Variants in TBX15 observed in about 807,000 individuals in gnomAD.
TBX15 encodes T-box transcription factor 15.
A neutral mutation model predicts 53.9 loss-of-function variants in TBX15; 18 were observed. The observed-to-expected ratio is 0.33, with a 90% CI of 0.23 to 0.49. TBX15 has a LOEUF of 0.49. Among genes scored for constraint, TBX15 ranks in the 20% least tolerant of loss-of-function variants. The pLI is 0.98. For missense variants in TBX15, 692 were observed against 749.5 expected (o/e 0.92, Z 0.90); for synonymous variants, 295 against 278.0 (o/e 1.06, Z -0.61).
intron 1 of TBX15, among the ~76,000 whole-genome samples, chr1:118,947,678 C>T (rs1163306170): frequency 6.6e-6 from 1 of 152,160 alleles, no homozygotes; most frequent in East Asian, 1.9e-4. Flanking sequence ...TAATCATTCA[C>T]CCTGCAGAGA....
chr1:118,899,017 C>T lies in TBX15; in HGVS notation c.1024+11G>A. On this transcript the variant is annotated intron_variant, in intron 7 of 7. Coordinates refer to ENST00000369429, the MANE Select transcript of TBX15 (RefSeq NM_001330677.2). ...CTATCACTAAGCAGAGGCCTTGCTCCAGGGCTTTACCTTGCTGCTTCTGCA... is the reference window on the plus strand; with the variant it reads ...CTATCACTAAGCAGAGGCCTTGCTCTAGGGCTTTACCTTGCTGCTTCTGCA... The T allele has an allele frequency of 1.2e-6, 2 of 1,613,256 alleles. No homozygotes were observed. The highest frequency in any genetic ancestry group is 1.7e-6 in the Non-Finnish European group (2 of 1,179,548).
intron 7 of TBX15, among the ~76,000 whole-genome samples, chr1:118,893,873 C>T (rs1387695083): frequency 1.3e-5 from 2 of 152,270 alleles, no homozygotes; most frequent in East Asian, 1.9e-4. Flanking sequence ...TAAATATACA[C>T]TCAACCAACA....
At chr1:118,917,424 A>C (rs919095627) in intron 5 of TBX15, among the ~76,000 whole-genome samples, 1 of 152,144 alleles carries the variant, frequency 6.6e-6, no homozygotes, top group African/African-American at 2.4e-5. Context: ...GTCAGGGAGC[A>C]GGAGAGGAAG....
intron 1 of TBX15, among the ~76,000 whole-genome samples, chr1:118,958,463 C>T (rs1027827594): frequency 6.6e-6 from 1 of 152,196 alleles, no homozygotes; most frequent in South Asian, 2.1e-4. Flanking sequence ...TTTTCTTTTG[C>T]TTCAGGTTCC....
At chr1:118,959,423 T>G (rs2101674966) in intron 1 of TBX15, among the ~76,000 whole-genome samples, 1 of 152,330 alleles carries the variant, frequency 6.6e-6, no homozygotes, top group East Asian at 1.9e-4. Context: ...GTTTCAGGCC[T>G]GAGAGATGAT....
intron 1 of TBX15, among the ~76,000 whole-genome samples, chr1:118,951,651 A>G (rs954371407): frequency 6.6e-6 from 1 of 152,092 alleles, no homozygotes; most frequent in Admixed American, 6.5e-5. Flanking sequence ...GCAACATCTT[A>G]TTGTTCCTGA....
intron 7 of TBX15, among the ~76,000 whole-genome samples, chr1:118,888,321 T>C (rs1206518589): frequency 6.6e-6 from 1 of 152,208 alleles, no homozygotes; most frequent in African/African-American, 2.4e-5. Context: ...TATCTGTAAC[T>C]GAGGTTTCAA....
intron 3 of TBX15, among the ~76,000 whole-genome samples, chr1:118,925,187 G>T (rs1655554149): frequency 6.6e-6 from 1 of 152,176 alleles, no homozygotes; most frequent in African/African-American, 2.4e-5. Flanking sequence ...CTATAGAAAA[G>T]GCATTTTACT....
intron 1 of TBX15, among the ~76,000 whole-genome samples, chr1:118,939,552 G>A (rs1385933503): frequency 1.3e-5 from 2 of 151,886 alleles, no homozygotes; most frequent in South Asian, 2.1e-4. Flanking sequence ...GCTAGATGGT[G>A]GAAGAGGGAG....
At chr1:118,900,390 C>A (rs1654583352) in intron 6 of TBX15, among the ~76,000 whole-genome samples, 1 of 152,142 alleles carries the variant, frequency 6.6e-6, no homozygotes, top group African/African-American at 2.4e-5. Context: ...TAGGTGAGAA[C>A]AAATATCCTT....
intron 6 of TBX15, among the ~76,000 whole-genome samples, chr1:118,908,350 A>G (rs1654907684): frequency 6.6e-6 from 1 of 151,346 alleles, no homozygotes; most frequent in South Asian, 2.1e-4. Flanking sequence ...AGTAGGGGGC[A>G]GAGCCCAGGA....
intron 6 of TBX15, among the ~76,000 whole-genome samples, chr1:118,905,573 C>A (rs1000065747): frequency 1.3e-5 from 2 of 152,220 alleles, no homozygotes; most frequent in Non-Finnish European, 2.9e-5. Context: ...ACAGGGCCAG[C>A]TACCTTGAAT....
At chr1:118,953,483 A>G (rs1557897971) in intron 1 of TBX15, among the ~76,000 whole-genome samples, 1 of 152,220 alleles carries the variant, frequency 6.6e-6, no homozygotes, top group Non-Finnish European at 1.5e-5. Context: ...TTAGAAAGAA[A>G]GGTAAGAATG....
chr1:118,971,409 T>C (rs1027771283), intron 1 of TBX15, among the ~76,000 whole-genome samples: 1 of 152,172 alleles, frequency 6.6e-6, no homozygotes, highest in Admixed American at 6.5e-5. Flanking sequence ...GTAAAGTGGC[T>C]GTAGTGGTCA....
At chr1:118,934,488 A>G (rs1053710044) in intron 1 of TBX15, among the ~76,000 whole-genome samples, 17 of 152,322 alleles carry the variant, frequency 1.1e-4, no homozygotes, top group Admixed American at 5.9e-4. Flanking sequence ...AATTAGAAAC[A>G]GAATCCAAGA....
Position 118,923,417 on chromosome 1 carries a change from C to T in TBX15, c.861+19G>A. ...CAAAAAACAGATGTAGCAGAAGACT[C>T]TCAAGGGCCACCTCTTACCTGCTGA... On this transcript the variant is annotated intron_variant, in intron 5 of 7. Coordinates refer to ENST00000369429, the MANE Select transcript of TBX15 (RefSeq NM_001330677.2). 6.2e-7 allele frequency: 1 copy of T among 1,613,626 alleles called. No individual in the cohort carries two copies. Among genetic ancestry groups the T allele is most frequent in the Non-Finnish European group, 8.5e-7 (1 of 1,179,776 alleles).
intron 5 of TBX15, among the ~76,000 whole-genome samples, chr1:118,921,045 T>C (rs1257670774): frequency 7.9e-6 from 1 of 126,512 alleles, no homozygotes; most frequent in Non-Finnish European, 1.7e-5. Flanking sequence ...GGCATGGTGA[T>C]ACCCGCCTGT....
At chr1:118,979,596 C>T (rs1392902764) in intron 1 of TBX15, among the ~76,000 whole-genome samples, 1 of 152,180 alleles carries the variant, frequency 6.6e-6, no homozygotes. Flanking sequence ...GTTCCATTTG[C>T]ATTTCTGGTT....
chr1:118,889,398 G>A (rs2101447375), intron 7 of TBX15, among the ~76,000 whole-genome samples: 1 of 152,326 alleles, frequency 6.6e-6, no homozygotes, highest in Admixed American at 6.5e-5. Flanking sequence ...ACACTTGGCT[G>A]ACTAGAGATT....
Sources: allele counts gnomAD v4.1 joint callset (sites outside exome capture counted in the v4.1 genomes callset), GRCh38; gene constraint gnomAD v4.1.1; transcripts MANE v1.5; gene names NCBI Gene and HGNC (gene_info 2026-07-23, HGNC 2026-07-21).